STK3: variants seen among roughly 807,000 people sequenced by gnomAD.
The protein encoded by STK3 is serine/threonine kinase 3.
Under a neutral mutation model 58.0 loss-of-function variants are expected in STK3, and 41 were observed. The ratio of observed to expected loss-of-function variants is 0.71; its 90% CI spans 0.55 to 0.92. The LOEUF is 0.92. Among genes scored for constraint, STK3 ranks in the 40% least tolerant of loss-of-function variants. STK3 has a pLI of 0.00. For synonymous variants in STK3, 170 were observed against 191.0 expected, an observed-to-expected ratio of 0.89 and a Z score of 0.91; for missense variants, 479 against 602.7, an observed-to-expected ratio of 0.79 and a Z score of 2.15.
At chr8:98,597,368 C>T (rs893818478) in intron 6 of STK3, 8 of 984,830 alleles carry the variant, frequency 8.1e-6, no homozygotes, top group South Asian at 4.7e-5. Context: ...TTTCAAAAAA[C>T]GTAAATTCTT....
chr8:98,413,021 GT>G, intron 3 of STK3: 1 of 222,942 alleles, frequency 4.5e-6, no homozygotes, highest in South Asian at 6.2e-5. Context: ...GTTTTGCTTT[GT>G]TTTTGTTTTG....
At chr8:98,533,850 T>C (rs1280995072) in intron 9 of STK3, among the ~76,000 whole-genome samples, 1 of 152,190 alleles carries the variant, frequency 6.6e-6, no homozygotes, top group African/African-American at 2.4e-5. Context: ...AGTTCCCTAA[T>C]GTAGAATTCC....
intron 10 of STK3, among the ~76,000 whole-genome samples, chr8:98,498,380 T>G (rs184268198): frequency 2.1e-3 from 314 of 152,268 alleles, no homozygotes; most frequent in African/African-American, 7.4e-3. Flanking sequence ...CTGTGTTCCA[T>G]TCTGCAGTAA....
At chr8:98,552,906 A>G (rs1040750053) in intron 8 of STK3, among the ~76,000 whole-genome samples, 2 of 152,168 alleles carry the variant, frequency 1.3e-5, no homozygotes, top group Admixed American at 6.5e-5. Context: ...CAGACATTGG[A>G]GATGAATAAG....
At chr8:98,409,386 G>A (rs766688057) in intron 3 of STK3, among the ~76,000 whole-genome samples, 1 of 152,194 alleles carries the variant, frequency 6.6e-6, no homozygotes, top group Non-Finnish European at 1.5e-5. Context: ...GTCTGCACGA[G>A]GAGCCCGTGA....
intron 8 of STK3, among the ~76,000 whole-genome samples, chr8:98,571,936 A>G (rs1813002128): frequency 6.6e-6 from 1 of 152,152 alleles, no homozygotes; most frequent in Non-Finnish European, 1.5e-5. Flanking sequence ...CAGTCTTTTA[A>G]AGTGCTTTAA....
chr8:98,539,769 T>C (rs1177879399), intron 9 of STK3, among the ~76,000 whole-genome samples: 3 of 152,208 alleles, frequency 2.0e-5, no homozygotes, highest in Non-Finnish European at 2.9e-5. Flanking sequence ...TTTTTGTTTT[T>C]CTGAGATAGA....
chr8:98,595,425 T>C (rs1451180068), intron 7 of STK3: 1 of 152,072 alleles, frequency 6.6e-6, no homozygotes, highest in Non-Finnish European at 1.5e-5. Flanking sequence ...ATTTAGCAAA[T>C]ATCAAGTTTT....
At chr8:98,546,655 C>T (rs902345703) in intron 9 of STK3, among the ~76,000 whole-genome samples, 1 of 152,110 alleles carries the variant, frequency 6.6e-6, no homozygotes, top group Non-Finnish European at 1.5e-5. Context: ...GGCCATAAGA[C>T]CATCCTCTGC....
In STK3 at chr8:98,629,388, G is replaced by C. The variant is rs146393624; in HGVS notation, c.685-33219C>G. Among the ~76,000 whole-genome samples the C allele has an allele frequency of 3.0e-4, 46 of 152,110 alleles. No individual in the cohort carries two copies. The East Asian group carries it at 8.9e-3, about 29-fold the overall frequency. On this transcript the variant is annotated intron_variant, in intron 6 of 10. Coordinates refer to ENST00000419617, the MANE Select transcript of STK3 (RefSeq NM_006281.4). ...ATTGAAAGGGGCATGAAAAAAACTG[G>C]AGACCCCACACACCCACCTTCCTTC...
rs71572027 is a variant in STK3 at position 98,858,290 on chromosome 8, G to GTATATATATATATATATA, written c.110+25339_110+25356dup. Among the ~76,000 whole-genome samples, 8 of 34,382 alleles carry GTATATATATATATATATA rather than the reference G, an allele frequency of 2.3e-4. 1 individual carries two copies. The highest frequency in any genetic ancestry group is 4.0e-4 in the African/African-American group (3 of 7,508). 22.6% of individuals were successfully genotyped at this position (34,382 alleles called of 152,430 possible). A position where few individuals can be genotyped will look rare whatever the true frequency, so the allele number is the denominator to read the frequency against. Reference sequence around the variant, plus strand: ...CCAGCTACAGTATATACATACATACGTATATATATATATATATATATATAT... The same window carrying GTATATATATATATATATA: ...CCAGCTACAGTATATACATACATACGTATATATATATATATATATATATATATATATATATATATATAT... On this transcript the variant is annotated intron_variant, in intron 3 of 12. Transcript: ENST00000523601.
intron 1 of STK3, among the ~76,000 whole-genome samples, chr8:98,812,918 G>A (rs1834315229): frequency 6.6e-6 from 1 of 152,068 alleles, no homozygotes. Context: ...GATAGCATTA[G>A]GAGATATACC....
intron 1 of STK3, among the ~76,000 whole-genome samples, chr8:98,916,220 G>T (rs1022614924): frequency 1.1e-4 from 16 of 152,152 alleles, no homozygotes; most frequent in African/African-American, 3.9e-4. Context: ...TTCGAGACCA[G>T]CCTAGCCAAC....
intron 3 of STK3, among the ~76,000 whole-genome samples, chr8:98,423,191 A>T (rs1230095756): frequency 1.3e-5 from 2 of 152,254 alleles, no homozygotes; most frequent in Non-Finnish European, 2.9e-5. Context: ...TTCGTCATCC[A>T]ATCCTGTATT....
intron 3 of STK3, among the ~76,000 whole-genome samples, chr8:98,850,101 A>C (rs1418017859): frequency 6.6e-6 from 1 of 152,216 alleles, no homozygotes; most frequent in Non-Finnish European, 1.5e-5. Flanking sequence ...GGTGAAGTCT[A>C]TAATTCACCT....
At chr8:98,603,405 T>G (rs1168387537) in intron 6 of STK3, 1 of 152,070 alleles carries the variant, frequency 6.6e-6, no homozygotes, top group Non-Finnish European at 1.5e-5. Context: ...CCTGGCTATT[T>G]TTCACATTTT....
chr8:98,719,376 C>T (rs1827242294), intron 4 of STK3, among the ~76,000 whole-genome samples: 2 of 152,144 alleles, frequency 1.3e-5, no homozygotes, highest in Admixed American at 1.3e-4. Flanking sequence ...CACTAATTTT[C>T]TATTAACTCT....
chr8:98,795,350 A>C (rs562782108), intron 1 of STK3, among the ~76,000 whole-genome samples: 2 of 150,882 alleles, frequency 1.3e-5, no homozygotes, highest in South Asian at 2.1e-4. Flanking sequence ...AAAAAAAAAA[A>C]AAAAACCTCT....
chr8:98,605,314 AAAG>A (rs1249450479), intron 6 of STK3, among the ~76,000 whole-genome samples: 1 of 152,226 alleles, frequency 6.6e-6, no homozygotes, highest in Admixed American at 6.5e-5. Context: ...TTTATAAAGA[AAAG>A]AAGTTTAACT....
Sources: allele counts gnomAD v4.1 joint callset (sites outside exome capture counted in the v4.1 genomes callset), GRCh38; gene constraint gnomAD v4.1.1; transcripts MANE v1.5; gene names NCBI Gene and HGNC (gene_info 2026-07-23, HGNC 2026-07-21).